The following SLC9A9 variants were observed in gnomAD, a reference collection of about 807,000 sequenced individuals.
SLC9A9 encodes the protein sodium/hydrogen exchanger 9.
A neutral mutation model predicts 77.8 loss-of-function variants in SLC9A9; 62 were observed. The observed-to-expected ratio is 0.80, with a 90% CI of 0.65 to 0.98. The LOEUF is 0.98. Ranked by LOEUF, SLC9A9 falls within the 50% of genes least tolerant of loss-of-function variation. The pLI is 0.00. For synonymous variants in SLC9A9, 320 were observed against 283.5 expected (o/e 1.13, Z -1.29); for missense variants, 775 against 774.9 (o/e 1.00, Z 0.00).
chr3:143,829,558 A>G (rs901727115), intron 2 of SLC9A9, among the ~76,000 whole-genome samples: 1 of 152,220 alleles, frequency 6.6e-6, no homozygotes, highest in Non-Finnish European at 1.5e-5. Flanking sequence ...CACAGTCCTC[A>G]TAATTCATAT....
chr3:143,688,211 A>G (rs1202781688), intron 5 of SLC9A9, among the ~76,000 whole-genome samples: 1 of 151,566 alleles, frequency 6.6e-6, no homozygotes, highest in East Asian at 1.9e-4. Flanking sequence ...TCGGCCTCCC[A>G]GAGTGTTGGA....
At chr3:143,510,413 C>T (rs6792609) in intron 9 of SLC9A9, among the ~76,000 whole-genome samples, 43,721 of 151,766 alleles carry the variant, frequency 0.29, 6,835 homozygotes, top group Non-Finnish European at 0.36. Flanking sequence ...ATTAAATACC[C>T]GAGATATTTG....
intron 4 of SLC9A9, among the ~76,000 whole-genome samples, chr3:143,743,241 G>GGATA (rs71140453): frequency 0.024 from 3,230 of 133,534 alleles, 63 homozygotes; most frequent in Middle Eastern, 0.051. Context: ...ATGGATGGAT[G>GGATA]GATAGATAGA....
chr3:143,772,137 C>A (rs997124157), intron 4 of SLC9A9, among the ~76,000 whole-genome samples: 1 of 151,954 alleles, frequency 6.6e-6, no homozygotes, highest in Admixed American at 6.6e-5. Flanking sequence ...CTGCTGGCAT[C>A]CCTGGTGCTA....
chr3:143,525,927 TAAATG>T (rs2036396866), intron 9 of SLC9A9, among the ~76,000 whole-genome samples: 1 of 152,208 alleles, frequency 6.6e-6, no homozygotes. Context: ...TTATTCTTGA[TAAATG>T]AAATAGCTAC....
chr3:143,843,837 T>A (rs2009766038), intron 1 of SLC9A9, among the ~76,000 whole-genome samples: 1 of 152,182 alleles, frequency 6.6e-6, no homozygotes, highest in Non-Finnish European at 1.5e-5. Context: ...CTGCTGTCAA[T>A]CAATACTTTA....
intron 14 of SLC9A9, among the ~76,000 whole-genome samples, chr3:143,275,354 G>T (rs1374325177): frequency 2.0e-5 from 3 of 152,132 alleles, no homozygotes; most frequent in African/African-American, 7.2e-5. Context: ...TCTAATGTCG[G>T]TTGTTCTAGG....
intron 14 of SLC9A9, among the ~76,000 whole-genome samples, chr3:143,301,561 G>A (rs1020137498): frequency 1.3e-5 from 2 of 152,146 alleles, no homozygotes; most frequent in African/African-American, 4.8e-5. Context: ...GGGTGTTAGG[G>A]CCATCCTCTG....
intron 9 of SLC9A9, among the ~76,000 whole-genome samples, chr3:143,537,954 T>G (rs941332894): frequency 2.0e-5 from 3 of 152,246 alleles, no homozygotes; most frequent in African/African-American, 7.2e-5. Flanking sequence ...TTTCATTAGC[T>G]TCTTTTCACA....
chr3:143,708,742 A>G (rs1041570790), intron 4 of SLC9A9, among the ~76,000 whole-genome samples: 11 of 152,098 alleles, frequency 7.2e-5, no homozygotes, highest in Non-Finnish European at 1.6e-4. Context: ...TGCCTTCTGT[A>G]TTTTCTGTTC....
chr3:143,664,882 A>G (rs550836337), intron 5 of SLC9A9, among the ~76,000 whole-genome samples: 1 of 152,288 alleles, frequency 6.6e-6, no homozygotes, highest in East Asian at 1.9e-4. Flanking sequence ...ACACAATAAT[A>G]ATGGGAGACT....
chr3:143,656,329 A>C (rs1269152470), intron 5 of SLC9A9, among the ~76,000 whole-genome samples: 1 of 152,174 alleles, frequency 6.6e-6, no homozygotes, highest in Admixed American at 6.5e-5. Context: ...CATCAAAACT[A>C]ATCCTTTTTC....
intron 6 of SLC9A9, among the ~76,000 whole-genome samples, chr3:143,588,099 G>T (rs1345209603): frequency 2.0e-5 from 3 of 152,144 alleles, no homozygotes; most frequent in Non-Finnish European, 2.9e-5. Flanking sequence ...TGGAAAATGG[G>T]ATGGGTACTA....
chr3:143,277,190 G>A (rs1301654504), intron 14 of SLC9A9, among the ~76,000 whole-genome samples: 1 of 152,172 alleles, frequency 6.6e-6, no homozygotes, highest in African/African-American at 2.4e-5. Flanking sequence ...AGATAAACAA[G>A]GGGCCATATT....
intron 14 of SLC9A9, among the ~76,000 whole-genome samples, chr3:143,301,061 C>G (rs1156805546): frequency 6.6e-6 from 1 of 152,176 alleles, no homozygotes; most frequent in African/African-American, 2.4e-5. Flanking sequence ...CCACTACCAC[C>G]TTCACCATGA....
intron 9 of SLC9A9, among the ~76,000 whole-genome samples, chr3:143,498,371 T>G (rs1367404088): frequency 6.6e-6 from 1 of 152,138 alleles, no homozygotes; most frequent in African/African-American, 2.4e-5. Context: ...CTGGCCAACA[T>G]GGTGAAACCC....
chr3:143,727,864 A>G (rs1934699573), intron 4 of SLC9A9, among the ~76,000 whole-genome samples: 2 of 152,252 alleles, frequency 1.3e-5, no homozygotes, highest in African/African-American at 4.8e-5. Context: ...TTAATCATTT[A>G]GCTAACATTA....
intron 4 of SLC9A9, among the ~76,000 whole-genome samples, chr3:143,706,123 T>C (rs1329801969): frequency 1.1e-4 from 17 of 152,212 alleles, no homozygotes; most frequent in Admixed American, 1.1e-3. Flanking sequence ...ATATTCTGAA[T>C]TTTTCCCCTG....
intron 14 of SLC9A9, 122 bp downstream of exon 14, chr3:143,363,362 G>T: frequency 1.1e-6 from 1 of 879,384 alleles, no homozygotes; most frequent in South Asian, 1.4e-5. Context: ...AAGTTTGGCT[G>T]TGAATTCACT....
Sources: allele counts gnomAD v4.1 joint callset (sites outside exome capture counted in the v4.1 genomes callset), GRCh38; gene constraint gnomAD v4.1.1; transcripts MANE v1.5; gene names NCBI Gene and HGNC (gene_info 2026-07-23, HGNC 2026-07-21).